The following LRCOL1 variants were observed in gnomAD, a reference collection of about 807,000 sequenced individuals.
LRCOL1 encodes the protein leucine rich colipase like 1.
Under a neutral mutation model 21.6 loss-of-function variants are expected in LRCOL1, and 21 were observed. That is an observed-to-expected ratio of 0.97 (90% CI 0.69 to 1.40). LRCOL1 has a LOEUF of 1.40. LRCOL1 is among the 40% of genes most tolerant of loss of function. The pLI, the probability that LRCOL1 is intolerant of heterozygous loss-of-function variation, is 0.00. For missense variants in LRCOL1, 198 were observed against 202.3 expected, an observed-to-expected ratio of 0.98 and a Z score of 0.13; for synonymous variants, 98 against 90.1, an observed-to-expected ratio of 1.09 and a Z score of -0.49.
chr12:132,606,236 A>T lies in LRCOL1; in HGVS notation c.16T>A (p.Trp6Arg), dbSNP rs1354813542. MAGPGWTLLLLLLLLL... is the reference protein window; with the variant it reads MAGPGRTLLLLLLLLL... ...AGCAGCAGCAGTAGCAGCAGCGTCC[A>T]CCCCGGGCCGGCCATCGGGTGTGTG... Residue 6 changes from tryptophan to arginine, a missense_variant, in exon 2 of 6, where the codon TGG becomes AGG. Transcript: ENST00000376608. The surrounding 1 kb of genome is among the most constrained non-coding windows in gnomAD (Gnocchi z 4.6). The T allele has an allele frequency of 5.9e-6, 9 of 1,535,974 alleles. No individual in the cohort carries two copies. The highest frequency in any genetic ancestry group is 7.8e-6 in the Non-Finnish European group (9 of 1,146,822).
intron 5 of LRCOL1, 140 bp from the exon 6 acceptor site, chr12:132,603,544 C>A: frequency 1.3e-6 from 2 of 1,498,168 alleles, no homozygotes; most frequent in East Asian, 2.5e-5. Context: ...AGGCCGACGC[C>A]CACGCTCAGC....
At chr12:132,605,117 C>A in intron 2 of LRCOL1, 1 of 1,216,770 alleles carries the variant, frequency 8.2e-7, no homozygotes, top group Non-Finnish European at 1.0e-6. Flanking sequence ...AGCTCTCAGG[C>A]CAGCCCAGTG....
rs1190292851 is a variant in LRCOL1, at chr12:132,606,470, C to T, written c.-13-206G>A. ...AGAAAATATAATTCTCATATGCCAC[C>T]TTCTTTCCCCTGCCTCAGTTTCCCC... On this transcript the variant is annotated intron_variant, in intron 1 of 5. Coordinates refer to ENST00000376608, the MANE Select transcript of LRCOL1 (RefSeq NM_001195520.2). This position sits in a 1 kb window ranked among gnomAD's most constrained non-coding sequence, Gnocchi z 4.6. Among the ~76,000 whole-genome samples the T allele has an allele frequency of 6.6e-6, 1 of 152,188 alleles. No homozygotes were observed. The highest frequency in any genetic ancestry group is 1.9e-4 in the East Asian group (1 of 5,202).
intron 1 of LRCOL1, among the ~76,000 whole-genome samples, chr12:132,609,929 G>T (rs909804654): frequency 6.6e-6 from 1 of 152,194 alleles, no homozygotes; most frequent in African/African-American, 2.4e-5. Flanking sequence ...TATCTAGTTT[G>T]TTTCTATAGT....
chr12:132,603,849 G>A, intron 5 of LRCOL1: 2 of 985,424 alleles, frequency 2.0e-6, no homozygotes, highest in Non-Finnish European at 2.4e-6. Context: ...TTCCCGTCAG[G>A]AAAAGCCACA....
rs1169109508 is a variant in LRCOL1 at position 132,606,285 on chromosome 12, G to A, written c.-13-21C>T. 21 of 1,533,364 alleles carry A rather than the reference G, an allele frequency of 1.4e-5. No homozygotes were observed. The highest frequency in any genetic ancestry group is 1.7e-5 in the Non-Finnish European group (20 of 1,144,962). 95.0% of individuals were successfully genotyped at this position (1,533,364 alleles called of 1,614,324 possible). ...TGGACCTGCAGAGACCCAGGATTGT[G>A]TGGGAGTGTGTCCACGCCAGCCTTG... On this transcript the variant is annotated intron_variant, in intron 1 of 5. Coordinates refer to ENST00000376608, the MANE Select transcript of LRCOL1 (RefSeq NM_001195520.2). The surrounding 1 kb of genome is among the most constrained non-coding windows in gnomAD (Gnocchi z 4.6).
In LRCOL1 at chr12:132,604,449, G is replaced by T. The variant is rs779602100; in HGVS notation, c.354+13C>A. ...TACCCCTGCTCCATCTGCCCCGGGT[G>T]CCCGCAGCTCACCTTGCGCCAGGGC... On this transcript the variant is annotated intron_variant, in intron 4 of 5. Coordinates refer to ENST00000376608, the MANE Select transcript of LRCOL1 (RefSeq NM_001195520.2). The T allele has an allele frequency of 5.2e-6, 8 of 1,528,772 alleles. No homozygotes were observed. Among genetic ancestry groups the T allele is most frequent in the Non-Finnish European group, 7.0e-6 (8 of 1,145,044 alleles). 94.7% of individuals were successfully genotyped at this position (1,528,772 alleles called of 1,614,324 possible). A position where few individuals can be genotyped will look rare whatever the true frequency, so the allele number is the denominator to read the frequency against.
intron 1 of LRCOL1, among the ~76,000 whole-genome samples, chr12:132,607,786 T>TCCCTCTCTCTGTCTCTGTCTCC (rs2041329195): frequency 6.6e-6 from 1 of 151,012 alleles, no homozygotes; most frequent in Admixed American, 6.6e-5. Flanking sequence ...TCTCTGCCTC[T>TCCCTCTCTCTGTCTCTGTCTCC]CCCTCTCTCT....
intron 5 of LRCOL1, 129 bp downstream of exon 5, chr12:132,604,125 C>T (rs2041266805): frequency 7.0e-7 from 1 of 1,437,870 alleles, no homozygotes; most frequent in African/African-American, 1.4e-5. Flanking sequence ...CCTCTCCCAG[C>T]AGGGGTGCCT....
intron 2 of LRCOL1, among the ~76,000 whole-genome samples, chr12:132,605,403 T>G (rs187616988): frequency 1.2e-3 from 183 of 152,380 alleles, no homozygotes; most frequent in Admixed American, 3.4e-3. Context: ...CCATTGCATG[T>G]TAACATAAAT....
In LRCOL1 at chr12:132,606,031, C is replaced by A. The variant is rs989943950; in HGVS notation, c.105+116G>T. 6 of 937,570 alleles carry A rather than the reference C, an allele frequency of 6.4e-6. No individual in the cohort carries two copies. The highest frequency in any genetic ancestry group is 2.4e-5 in the Admixed American group (1 of 41,334). The allele number at this position is 937,570 out of a possible 1,614,324, so 58.1% of individuals were successfully genotyped here. ...CGCTTTGTGTCCCTTTGAGACCCTC[C>A]TGACGGAAAGTGGCAGCCCTCGCGG... is the stretch of plus-strand genomic sequence containing the variant. On this transcript the variant is annotated intron_variant, in intron 2 of 5. Coordinates refer to ENST00000376608, the MANE Select transcript of LRCOL1 (RefSeq NM_001195520.2). This position sits in a 1 kb window ranked among gnomAD's most constrained non-coding sequence, Gnocchi z 4.6.
Position 132,606,800 on chromosome 12 carries a change from G to C in LRCOL1, c.-13-536C>G, listed in dbSNP as rs975665739. Among the ~76,000 whole-genome samples the C allele has an allele frequency of 3.9e-5, 6 of 152,078 alleles. No homozygotes were observed. The highest frequency in any genetic ancestry group is 7.4e-5 in the Non-Finnish European group (5 of 68,010). On this transcript the variant is annotated intron_variant, in intron 1 of 5. Coordinates refer to ENST00000376608, the MANE Select transcript of LRCOL1 (RefSeq NM_001195520.2). The surrounding 1 kb of genome is among the most constrained non-coding windows in gnomAD (Gnocchi z 4.6). ...GTTGGAATCGGTCTGTAGCCTTTTC[G>C]GGTTGGCTTATTTCACTAAGTGCCA...
intron 1 of LRCOL1, among the ~76,000 whole-genome samples, chr12:132,609,358 C>T (rs895730537): frequency 3.9e-5 from 6 of 152,166 alleles, no homozygotes; most frequent in East Asian, 3.8e-4. Context: ...GATGGCTGCA[C>T]GGCAACGTGA....
At position 132,606,446 on chromosome 12, in the gene LRCOL1, G is replaced by A. The variant is rs2041311470; in HGVS notation, c.-13-182C>T. Among the ~76,000 whole-genome samples the A allele has an allele frequency of 6.6e-6, 1 of 152,180 alleles. No homozygotes were observed. Among genetic ancestry groups the A allele is most frequent in the Admixed American group, 6.5e-5 (1 of 15,280 alleles). Reference sequence around the variant, plus strand: ...GTTTTATGCTTACAAAAAAAGTGCAGAAAATATAATTCTCATATGCCACCT... The same window carrying A: ...GTTTTATGCTTACAAAAAAAGTGCAAAAAATATAATTCTCATATGCCACCT... On this transcript the variant is annotated intron_variant, in intron 1 of 5. Coordinates refer to ENST00000376608, the MANE Select transcript of LRCOL1 (RefSeq NM_001195520.2). The surrounding 1 kb of genome is among the most constrained non-coding windows in gnomAD (Gnocchi z 4.6).
At chr12:132,608,910 G>A (rs1489607520) in intron 1 of LRCOL1, among the ~76,000 whole-genome samples, 4 of 152,146 alleles carry the variant, frequency 2.6e-5, no homozygotes, top group Admixed American at 1.3e-4. Flanking sequence ...AATGGAGCAC[G>A]ATGTGCCTGA....
At chr12:132,608,591 G>A (rs931485405) in intron 1 of LRCOL1, among the ~76,000 whole-genome samples, 5 of 152,156 alleles carry the variant, frequency 3.3e-5, no homozygotes, top group Non-Finnish European at 7.3e-5. Flanking sequence ...TTTAGAGATG[G>A]GGCCTTGCTC....
At position 132,607,980 on chromosome 12, in the gene LRCOL1, C is replaced by CCTGTCTCTGTCTCTCT. The variant is rs755455063; in HGVS notation, c.-13-1732_-13-1717dup. On this transcript the variant is annotated intron_variant, in intron 1 of 5. Transcript: ENST00000376608. ...CCCTCTCTCTGTCTCTTTCTGTCTC[C>CCTGTCTCTGTCTCTCT]CTGTCTCTGTCTCTCTCTGTCTCTG... Among the ~76,000 whole-genome samples, 21 of 139,634 alleles carry CCTGTCTCTGTCTCTCT rather than the reference C, an allele frequency of 1.5e-4. No individual in the cohort carries two copies. In the South Asian group the frequency reaches 2.2e-3, roughly 15 times the overall value. 91.6% of individuals were successfully genotyped at this position (139,634 alleles called of 152,430 possible).
intron 1 of LRCOL1, among the ~76,000 whole-genome samples, chr12:132,607,225 C>T (rs990581619): frequency 1.3e-5 from 2 of 152,204 alleles, no homozygotes; most frequent in African/African-American, 4.8e-5. Flanking sequence ...CTCTTCCAGC[C>T]GGGCCCAGGC....
chr12:132,603,372 C>A lies in LRCOL1; in HGVS notation c.*30G>T. 2.0e-6 allele frequency: 3 copies of A among 1,536,156 alleles called. No homozygotes were observed. Among genetic ancestry groups the A allele is most frequent in the Non-Finnish European group, 2.6e-6 (3 of 1,146,886 alleles). On this transcript the variant is annotated 3_prime_UTR_variant, in exon 6 of 6. Transcript: ENST00000376608. Reference sequence around the variant, plus strand: ...TGCGTGAACATCCCAGGGCCCAGGCCGGTCCCTCGCGCCCAGGTTCGAGCT... The same window carrying A: ...TGCGTGAACATCCCAGGGCCCAGGCAGGTCCCTCGCGCCCAGGTTCGAGCT...
Sources: allele counts gnomAD v4.1 joint callset (sites outside exome capture counted in the v4.1 genomes callset), GRCh38; gene constraint gnomAD v4.1.1; non-coding constraint Gnocchi (gnomAD v3.1); transcripts MANE v1.5; gene names NCBI Gene and HGNC (gene_info 2026-07-23, HGNC 2026-07-21).